SNTG2: variants seen among roughly 807,000 people sequenced by gnomAD.
SNTG2 encodes the protein syntrophin gamma 2.
SNTG2 carries 74 observed loss-of-function variants against 70.9 expected under a neutral mutation model. That is an observed-to-expected ratio of 1.04 (90% CI 0.86 to 1.27). SNTG2 has a LOEUF of 1.27. Ranked by LOEUF, SNTG2 falls within the 50% of genes most tolerant of loss-of-function variation. The pLI, the probability that SNTG2 is intolerant of heterozygous loss-of-function variation, is 0.00. For missense variants in SNTG2, 717 were observed against 690.7 expected, an observed-to-expected ratio of 1.04 and a Z score of -0.43; for synonymous variants, 278 against 273.8, an observed-to-expected ratio of 1.02 and a Z score of -0.15.
chr2:1,119,552 G>C (rs563777120), intron 4 of SNTG2, among the ~76,000 whole-genome samples: 1 of 140,498 alleles, frequency 7.1e-6, no homozygotes, highest in Non-Finnish European at 1.5e-5. Flanking sequence ...TTAAAGGCTC[G>C]TTTTTTTTTT....
chr2:1,031,346 G>A (rs536715971), intron 1 of SNTG2, among the ~76,000 whole-genome samples: 11 of 151,458 alleles, frequency 7.3e-5, no homozygotes, highest in African/African-American at 2.4e-4. Flanking sequence ...CCCTCTCAGG[G>A]AACAGTCCTC....
intron 14 of SNTG2, among the ~76,000 whole-genome samples, chr2:1,269,675 C>T (rs770824069): frequency 5.3e-5 from 8 of 152,128 alleles, no homozygotes; most frequent in Non-Finnish European, 1.0e-4. Flanking sequence ...CAGTGGGAAG[C>T]ATTGAAAAAT....
chr2:1,194,196 T>G (rs1369419419), intron 8 of SNTG2, among the ~76,000 whole-genome samples: 1 of 152,150 alleles, frequency 6.6e-6, no homozygotes, highest in African/African-American at 2.4e-5. Context: ...GAGTTAGAAG[T>G]AGGAGGAAGC....
intron 8 of SNTG2, among the ~76,000 whole-genome samples, chr2:1,180,917 A>G (rs899886818): frequency 6.6e-6 from 1 of 152,200 alleles, no homozygotes; most frequent in African/African-American, 2.4e-5. Flanking sequence ...TGTCCTTTAT[A>G]GGGACATGGA....
chr2:1,363,129 A>ACCCCCC (rs11453480), intron 16 of SNTG2, among the ~76,000 whole-genome samples: 2 of 140,568 alleles, frequency 1.4e-5, no homozygotes, highest in East Asian at 2.2e-4. Context: ...CACAAAATGG[A>ACCCCCC]CCCCCCCCAT....
chr2:1,015,628 A>G (rs963172195), intron 1 of SNTG2, among the ~76,000 whole-genome samples: 3 of 152,270 alleles, frequency 2.0e-5, no homozygotes, highest in Admixed American at 6.5e-5. Flanking sequence ...ATAAATTTCC[A>G]TCAATGGGGA....
intron 11 of SNTG2, among the ~76,000 whole-genome samples, chr2:1,243,164 T>C (rs1356571147): frequency 6.6e-6 from 1 of 152,248 alleles, no homozygotes; most frequent in Non-Finnish European, 1.5e-5. Flanking sequence ...ACTGGCGGTC[T>C]ATTATTGCCA....
At chr2:1,193,864 A>G (rs1381342985) in intron 8 of SNTG2, among the ~76,000 whole-genome samples, 4 of 152,248 alleles carry the variant, frequency 2.6e-5, no homozygotes, top group Non-Finnish European at 4.4e-5. Context: ...AAAACAAAAC[A>G]ACTTCTCACT....
intron 9 of SNTG2, among the ~76,000 whole-genome samples, chr2:1,211,298 C>T (rs1674023320): frequency 2.0e-5 from 3 of 152,112 alleles, no homozygotes; most frequent in Non-Finnish European, 2.9e-5. Flanking sequence ...TGTCTATTAG[C>T]GTATTTGAAT....
At chr2:1,102,911 G>A (rs1244089915) in intron 4 of SNTG2, among the ~76,000 whole-genome samples, 2 of 152,298 alleles carry the variant, frequency 1.3e-5, no homozygotes, top group African/African-American at 2.4e-5. Context: ...AATTCTTCGC[G>A]AAGTGGCTCG....
At chr2:975,962 T>G (rs948674523) in intron 1 of SNTG2, among the ~76,000 whole-genome samples, 1 of 152,218 alleles carries the variant, frequency 6.6e-6, no homozygotes. Flanking sequence ...ATATTGCACA[T>G]AAGACAACAT....
At chr2:1,164,287 CTG>C (rs1232805748) in intron 6 of SNTG2, among the ~76,000 whole-genome samples, 2 of 137,046 alleles carry the variant, frequency 1.5e-5, no homozygotes, top group Non-Finnish European at 3.1e-5. Context: ...TGGGCAGTCT[CTG>C]TGTAGACGAG....
intron 12 of SNTG2, among the ~76,000 whole-genome samples, chr2:1,256,023 GCA>G (rs897406585): frequency 2.3e-4 from 34 of 149,754 alleles, no homozygotes; most frequent in African/African-American, 8.1e-4. Context: ...TCCAGAAAAT[GCA>G]CAGTTAGGCA....
At chr2:1,335,488 G>A (rs1213852394) in intron 16 of SNTG2, among the ~76,000 whole-genome samples, 1 of 152,164 alleles carries the variant, frequency 6.6e-6, no homozygotes, top group Non-Finnish European at 1.5e-5. Context: ...GGCAGGTGAG[G>A]AAGTTAGAGC....
Position 1,083,718 on chromosome 2 carries a change from G to A in SNTG2, c.210+63G>A. The A allele has an allele frequency of 1.9e-6, 3 of 1,581,162 alleles. No homozygotes were observed. In the South Asian group the frequency reaches 3.4e-5, roughly 18 times the overall value. On this transcript the variant is annotated intron_variant, in intron 2 of 16. Coordinates refer to ENST00000308624, the MANE Select transcript of SNTG2 (RefSeq NM_018968.4). The stretch of plus-strand genomic sequence containing the variant: ...CGGACGAGCCCCATGAACGGTCTTT[G>A]AAAAGTGTGGTTCAAGAATGATTGC...
intron 4 of SNTG2, among the ~76,000 whole-genome samples, chr2:1,101,438 C>G (rs982752299): frequency 6.6e-6 from 1 of 152,236 alleles, no homozygotes; most frequent in Non-Finnish European, 1.5e-5. Context: ...ACAGAAAGTC[C>G]TGGCAATGAA....
intron 1 of SNTG2, among the ~76,000 whole-genome samples, chr2:960,134 C>T (rs985188328): frequency 1.3e-5 from 2 of 152,158 alleles, no homozygotes; most frequent in Non-Finnish European, 2.9e-5. Flanking sequence ...CAGGTGTTCC[C>T]GTAGGAGGGG....
chr2:1,020,837 A>T (rs1413156667), intron 1 of SNTG2, among the ~76,000 whole-genome samples: 3 of 152,134 alleles, frequency 2.0e-5, no homozygotes, highest in African/African-American at 4.8e-5. Flanking sequence ...GTATATATAT[A>T]TTTTTTGCCA....
chr2:1,290,649 A>G (rs1331714260), intron 14 of SNTG2, among the ~76,000 whole-genome samples: 1 of 152,100 alleles, frequency 6.6e-6, no homozygotes, highest in Non-Finnish European at 1.5e-5. Flanking sequence ...ACCAGATCTC[A>G]TGAGAACTCT....
Sources: gnomAD v4.1 joint callset for allele counts (sites outside exome capture counted in the v4.1 genomes callset) on GRCh38, gnomAD v4.1.1 for gene constraint, MANE v1.5 for transcripts, NCBI Gene and HGNC (gene_info 2026-07-23, HGNC 2026-07-21) for gene names.